The following PCDHGB6 variants were observed in gnomAD, a reference collection of about 807,000 sequenced individuals.
PCDHGB6 encodes the protein protocadherin gamma subfamily B, 6.
PCDHGB6 carries 51 observed loss-of-function variants against 59.1 expected under a neutral mutation model. The observed-to-expected ratio is 0.86, with a 90% confidence interval of 0.69 to 1.09. The LOEUF (loss-of-function observed/expected upper bound fraction) is 1.09, where lower values mean the gene tolerates loss of function less well. Ranked by LOEUF, PCDHGB6 falls within the 50% of genes least tolerant of loss-of-function variation. The pLI is 0.00. For synonymous variants in PCDHGB6, 466 were observed against 495.1 expected (o/e 0.94, Z 0.78); for missense variants, 1,148 against 1,205.1 (o/e 0.95, Z 0.70).
rs574059424 is a variant in PCDHGB6 at position 141,426,522 on chromosome 5, G to A, written c.2418+15902G>A. On this transcript the variant is annotated intron_variant, in intron 1 of 3. Transcript: ENST00000520790. ...AGAAACAATACTTTACCGTGAACAC[G>A]GAGAATGGGAACATACTTGTGAGTG... is the stretch of plus-strand genomic sequence containing the variant. The A allele has an allele frequency of 4.4e-5, 15 of 341,518 alleles. No individual in the cohort carries two copies. In the East Asian group the frequency reaches 6.0e-4, roughly 14 times the overall value. 21.2% of individuals were successfully genotyped at this position (341,518 alleles called of 1,614,324 possible).
At chr5:141,497,464 T>G (rs1277760390) in intron 2 of PCDHGB6, among the ~76,000 whole-genome samples, 1 of 151,764 alleles carries the variant, frequency 6.6e-6, no homozygotes, top group Non-Finnish European at 1.5e-5. Flanking sequence ...CTTGGAGATA[T>G]GGAGGAGAAG....
At chr5:141,433,732 G>A (rs1181042854) in intron 1 of PCDHGB6, among the ~76,000 whole-genome samples, 2 of 151,886 alleles carry the variant, frequency 1.3e-5, no homozygotes, top group Non-Finnish European at 2.9e-5. Flanking sequence ...AGCTACTTGG[G>A]AGGCTGAGTC....
At chr5:141,483,772 G>C (rs2099586910) in intron 1 of PCDHGB6, among the ~76,000 whole-genome samples, 1 of 152,140 alleles carries the variant, frequency 6.6e-6, no homozygotes, top group Non-Finnish European at 1.5e-5. Flanking sequence ...AAAAATATTG[G>C]GGAAGGATAA....
At chr5:141,414,270 T>G in intron 1 of PCDHGB6, 1 of 1,613,476 alleles carries the variant, frequency 6.2e-7, no homozygotes, top group Non-Finnish European at 8.5e-7. Context: ...AAGATTCACC[T>G]CTGGGAACAG....
intron 1 of PCDHGB6, among the ~76,000 whole-genome samples, chr5:141,434,495 G>A (rs1414485396): frequency 6.6e-6 from 1 of 152,220 alleles, no homozygotes; most frequent in Non-Finnish European, 1.5e-5. Flanking sequence ...GGCCCGCCCA[G>A]GGCAGAAAAC....
In PCDHGB6 at chr5:141,408,047, A is replaced by C. The variant is rs1038145479; in HGVS notation, c.-156A>C. 2.4e-6 allele frequency: 3 copies of C among 1,243,316 alleles called. No homozygotes were observed. Among genetic ancestry groups the C allele is most frequent in the Non-Finnish European group, 3.2e-6 (3 of 926,484 alleles). The allele number at this position is 1,243,316 out of a possible 1,614,324, so 77.0% of individuals were successfully genotyped here. A position where few individuals can be genotyped will look rare whatever the true frequency, so the allele number is the denominator to read the frequency against. On this transcript the variant is annotated 5_prime_UTR_variant, in exon 1 of 4. Coordinates refer to ENST00000520790, the MANE Select transcript of PCDHGB6 (RefSeq NM_018926.3). ...GAAAGAAGAAAACCAGCTCCCACACAGAGCCTCCCGGCTGCGCAGACCTTT... is the reference window on the plus strand; with the variant it reads ...GAAAGAAGAAAACCAGCTCCCACACCGAGCCTCCCGGCTGCGCAGACCTTT...
At chr5:141,416,698 A>G (rs2096053724) in intron 1 of PCDHGB6, 1 of 152,250 alleles carries the variant, frequency 6.6e-6, no homozygotes, top group Non-Finnish European at 1.5e-5. Context: ...TAAACAAAGG[A>G]TCATTGGAGG....
At chr5:141,426,013 T>C (rs2096909409) in intron 1 of PCDHGB6, among the ~76,000 whole-genome samples, 1 of 152,144 alleles carries the variant, frequency 6.6e-6, no homozygotes, top group Admixed American at 6.5e-5. Flanking sequence ...CCGGCTGCAG[T>C]TTTCTAAATA....
Position 141,408,446 on chromosome 5 carries a change from G to A in PCDHGB6, c.244G>A (p.Gly82Arg), listed in dbSNP as rs371079756. 1.7e-5 allele frequency: 28 copies of A among 1,613,946 alleles called. No individual in the cohort carries two copies. Among genetic ancestry groups the A allele is most frequent in the Non-Finnish European group, 1.1e-5 (13 of 1,179,916 alleles). The change falls in exon 1 of 4, where the codon GGG (glycine) becomes AGG (arginine). Residue 82 changes from glycine (G) to arginine (R), a missense_variant. Transcript: ENST00000520790. ...KLHFSVDAES[G>R]DLLVKNRIDR... is the part of the protein sequence containing the mutation. ...GCACTTCAGCGTAGACGCGGAGAGC[G>A]GGGACTTACTTGTGAAGAACCGAAT...
chr5:141,456,140 G>A (rs1032104368), intron 1 of PCDHGB6, among the ~76,000 whole-genome samples: 38 of 152,022 alleles, frequency 2.5e-4, no homozygotes, highest in African/African-American at 8.7e-4. Flanking sequence ...CTCCTGATCC[G>A]CCCGCCTCGG....
Position 141,485,495 on chromosome 5 carries a change from T to C in PCDHGB6, c.2419-9312T>C. 1 of 1,613,494 alleles carries C rather than the reference T, an allele frequency of 6.2e-7. No homozygotes were observed. Among genetic ancestry groups the C allele is most frequent in the African/African-American group, 1.3e-5 (1 of 74,780 alleles). On this transcript the variant is annotated intron_variant, in intron 1 of 3. Coordinates refer to ENST00000520790, the MANE Select transcript of PCDHGB6 (RefSeq NM_018926.3). This position sits in a 1 kb window ranked among gnomAD's most constrained non-coding sequence, Gnocchi z 5.7. ...TGCCAGCTGCATCGTGCCCCTGGAG[T>C]TTGTCACCGAAGGTCCTTTGGAAAT...
chr5:141,474,153 A>G (rs1424442765), intron 1 of PCDHGB6, among the ~76,000 whole-genome samples: 3 of 152,254 alleles, frequency 2.0e-5, no homozygotes, highest in Non-Finnish European at 4.4e-5. Flanking sequence ...TATCAAGAAA[A>G]TGACAGGCCT....
chr5:141,428,624 C>CT, intron 1 of PCDHGB6: 1 of 193,988 alleles, frequency 5.2e-6, no homozygotes, highest in South Asian at 1.1e-4. Context: ...AAGATAAGCT[C>CT]TAACTCTGTT....
rs777924092 is a variant in PCDHGB6 at position 141,487,482 on chromosome 5, A to T, written c.2419-7325A>T. The T allele has an allele frequency of 1.2e-6, 2 of 1,614,164 alleles. No individual in the cohort carries two copies. Among genetic ancestry groups the T allele is most frequent in the South Asian group, 2.2e-5 (2 of 91,086 alleles). ...TTTGTTGATGTGGGAGGCCACTCTCATGGCTGTACACCCTTGGCTTCTGCA... is the reference window on the plus strand; with the variant it reads ...TTTGTTGATGTGGGAGGCCACTCTCTTGGCTGTACACCCTTGGCTTCTGCA... On this transcript the variant is annotated intron_variant, in intron 1 of 3. Coordinates refer to ENST00000520790, the MANE Select transcript of PCDHGB6 (RefSeq NM_018926.3). The surrounding 1 kb of genome is among the most constrained non-coding windows in gnomAD (Gnocchi z 5.0).
chr5:141,453,214 A>T (rs1174586625), intron 1 of PCDHGB6, among the ~76,000 whole-genome samples: 2 of 152,058 alleles, frequency 1.3e-5, no homozygotes, highest in African/African-American at 4.8e-5. Flanking sequence ...CGTGCACTTA[A>T]GCGATCCTCC....
At chr5:141,497,807 T>G (rs2099779585) in intron 2 of PCDHGB6, among the ~76,000 whole-genome samples, 1 of 152,210 alleles carries the variant, frequency 6.6e-6, no homozygotes, top group African/African-American at 2.4e-5. Context: ...CCCAAAGTGC[T>G]AGAATTACAG....
Position 141,408,923 on chromosome 5 carries a change from G to C in PCDHGB6, c.721G>C (p.Val241Leu). ...SVKDTNDNPPVFSRDEYRISL... is the reference protein window; with the variant it reads ...SVKDTNDNPPLFSRDEYRISL... ...CAAGGATACCAATGATAACCCCCCGGTTTTCAGCAGAGACGAATATAGAAT... is the reference window on the plus strand; with the variant it reads ...CAAGGATACCAATGATAACCCCCCGCTTTTCAGCAGAGACGAATATAGAAT... Residue 241 changes from valine to leucine, a missense_variant, in exon 1 of 4, where the codon GTT becomes CTT. Around this residue, in one of 5 missense-constraint regions of PCDHGB6, gnomAD observed 307 missense variants for 323.8 expected, o/e 0.95. Coordinates refer to ENST00000520790, the MANE Select transcript of PCDHGB6 (RefSeq NM_018926.3). 1 of 1,613,488 alleles carries C rather than the reference G, an allele frequency of 6.2e-7. No homozygotes were observed. The highest frequency in any genetic ancestry group is 8.5e-7 in the Non-Finnish European group (1 of 1,179,722).
chr5:141,483,648 T>TTGTGTGTGTGTG (rs111458813), intron 1 of PCDHGB6, among the ~76,000 whole-genome samples: 51 of 149,708 alleles, frequency 3.4e-4, no homozygotes, highest in African/African-American at 1.2e-3. Context: ...GGGTGTGTGT[T>TTGTGTGTGTGTG]TGTGTGTGTG....
Position 141,454,796 on chromosome 5 carries a change from A to ATTT in PCDHGB6, c.2419-39984_2419-39982dup, listed in dbSNP as rs61612330. 3.3e-3 allele frequency among the ~76,000 whole-genome samples: 253 copies of ATTT among 77,450 alleles called. 31 individuals carry two copies. The highest frequency in any genetic ancestry group is 0.02 in the South Asian group (39 of 1,960). The allele number at this position is 77,450 out of a possible 152,430, so 50.8% of individuals were successfully genotyped here. ...AAGGAAATAATCCTCCATGGTTCTA[A>ATTT]TTTTTTTTTTTTTTTTTTTTTTTTT... On this transcript the variant is annotated intron_variant, in intron 1 of 3. Coordinates refer to ENST00000520790, the MANE Select transcript of PCDHGB6 (RefSeq NM_018926.3).
Sources: allele counts gnomAD v4.1 joint callset (sites outside exome capture counted in the v4.1 genomes callset), GRCh38; gene constraint gnomAD v4.1.1; regional missense constraint gnomAD v4.1.1; non-coding constraint Gnocchi (gnomAD v3.1); transcripts MANE v1.5; gene names NCBI Gene and HGNC (gene_info 2026-07-23, HGNC 2026-07-21).